Variants in PNLIPRP3 observed in about 807,000 individuals in gnomAD.
PNLIPRP3 encodes the protein pancreatic lipase related protein 3.
A neutral mutation model predicts 52.8 loss-of-function variants in PNLIPRP3; 58 were observed. The ratio of observed to expected loss-of-function variants is 1.10; its 90% CI spans 0.89 to 1.37. The LOEUF (loss-of-function observed/expected upper bound fraction) is 1.37, where lower values mean the gene tolerates loss of function less well. Ranked by LOEUF, PNLIPRP3 falls within the 40% of genes most tolerant of loss-of-function variation. The pLI is 0.00. For missense variants in PNLIPRP3, 593 were observed against 561.6 expected (o/e 1.06, Z -0.57); for synonymous variants, 192 against 185.0 (o/e 1.04, Z -0.31).
Position 116,427,897 on chromosome 10 carries a change from G to A in PNLIPRP3, c.-116G>A, listed in dbSNP as rs1845659323. 2.5e-6 allele frequency: 2 copies of A among 785,404 alleles called. No individual in the cohort carries two copies. Among genetic ancestry groups the A allele is most frequent in the South Asian group, 3.0e-5 (2 of 66,134 alleles). 48.7% of individuals were successfully genotyped at this position (785,404 alleles called of 1,614,324 possible). A position where few individuals can be genotyped will look rare whatever the true frequency, so the allele number is the denominator to read the frequency against. ...AATAACATGTTCTTTTAAACGTAGA[G>A]TTTAAACATTGAGTTGCATCATTGT... is the stretch of plus-strand genomic sequence containing the variant. On this transcript the variant is annotated 5_prime_UTR_variant, in exon 1 of 12. Coordinates refer to ENST00000369230, the MANE Select transcript of PNLIPRP3 (RefSeq NM_001011709.3).
chr10:116,469,385 T>A, intron 9 of PNLIPRP3, 68 bp downstream of exon 9: 3 of 1,447,414 alleles, frequency 2.1e-6, no homozygotes, highest in Non-Finnish European at 2.8e-6. Flanking sequence ...CAACAGTTTT[T>A]ATTGAGTGTC....
intron 10 of PNLIPRP3, among the ~76,000 whole-genome samples, chr10:116,473,996 A>G (rs7091461): frequency 0.89 from 130,924 of 147,598 alleles, 58,224 homozygotes; most frequent in East Asian, 1. Flanking sequence ...GCAATCCTAA[A>G]CAAAAAGAAC....
chr10:116,450,966 A>G (rs963103904), intron 4 of PNLIPRP3, among the ~76,000 whole-genome samples: 3 of 152,166 alleles, frequency 2.0e-5, no homozygotes, highest in African/African-American at 4.8e-5. Flanking sequence ...ATGGAAGCAC[A>G]AAGGACCCTG....
In PNLIPRP3 at chr10:116,469,206, A is replaced by G; in HGVS notation, c.949A>G (p.Lys317Glu). Residue 317 changes from lysine (K) to glutamate (E), a missense_variant, in exon 9 of 12, where the codon AAA becomes GAA. Coordinates refer to ENST00000369230, the MANE Select transcript of PNLIPRP3 (RefSeq NM_001011709.3). ...FKAGNCFFCS[K>E]EGCPTMGHFA... ...TCAGGGAAATTGCTTCTTTTGTTCC[A>G]AAGAAGGTTGCCCAACAATGGGTCA... 1 of 1,612,028 alleles carries G rather than the reference A, an allele frequency of 6.2e-7. No individual in the cohort carries two copies. The highest frequency in any genetic ancestry group is 8.5e-7 in the Non-Finnish European group (1 of 1,179,452).
intron 2 of PNLIPRP3, among the ~76,000 whole-genome samples, chr10:116,442,348 A>T (rs774169710): frequency 2.0e-5 from 3 of 152,112 alleles, no homozygotes; most frequent in Non-Finnish European, 4.4e-5. Flanking sequence ...TCAATTCCTT[A>T]CTCATAAAGT....
At chr10:116,468,527 A>G (rs1455801111) in intron 8 of PNLIPRP3, among the ~76,000 whole-genome samples, 1 of 152,154 alleles carries the variant, frequency 6.6e-6, no homozygotes, top group African/African-American at 2.4e-5. Context: ...CTTGCCCTAG[A>G]GAAGAATGTT....
chr10:116,467,788 TCTC>T (rs1045722050), intron 8 of PNLIPRP3, among the ~76,000 whole-genome samples: 1 of 152,292 alleles, frequency 6.6e-6, no homozygotes, highest in Admixed American at 6.5e-5. Flanking sequence ...ATTGATTAGT[TCTC>T]CTACTAATGT....
chr10:116,457,307 G>A (rs886217879), intron 5 of PNLIPRP3, among the ~76,000 whole-genome samples: 6 of 152,106 alleles, frequency 3.9e-5, no homozygotes, highest in Non-Finnish European at 7.4e-5. Context: ...CCACAGAAGC[G>A]TATTTTCTCT....
At chr10:116,459,066 T>C (rs961566015) in intron 5 of PNLIPRP3, among the ~76,000 whole-genome samples, 5 of 152,128 alleles carry the variant, frequency 3.3e-5, no homozygotes, top group African/African-American at 1.2e-4. Context: ...CCCTCCCGCC[T>C]TGCTGAAGTG....
At chr10:116,461,444 G>C (rs748460895) in intron 7 of PNLIPRP3, among the ~76,000 whole-genome samples, 154 bp downstream of exon 7, 3 of 152,126 alleles carry the variant, frequency 2.0e-5, no homozygotes, top group Non-Finnish European at 4.4e-5. Context: ...CCTGTTCTCA[G>C]ATCCACAAGA....
At chr10:116,442,933 TAAA>T in intron 2 of PNLIPRP3, 119 bp from the exon 3 acceptor site, 1 of 610,904 alleles carries the variant, frequency 1.6e-6, no homozygotes, top group South Asian at 5.2e-5. Flanking sequence ...AAAAATATAT[TAAA>T]GAAGGTTGCT....
intron 2 of PNLIPRP3, among the ~76,000 whole-genome samples, chr10:116,438,286 G>A (rs1196013996): frequency 2.0e-5 from 3 of 152,150 alleles, no homozygotes; most frequent in Non-Finnish European, 4.4e-5. Context: ...GACTAGGAGT[G>A]GTTGGAGGAT....
intron 7 of PNLIPRP3, among the ~76,000 whole-genome samples, chr10:116,462,959 C>T (rs1021372154): frequency 4.6e-5 from 7 of 152,112 alleles, no homozygotes; most frequent in African/African-American, 1.7e-4. Flanking sequence ...TTCTATTTTA[C>T]TTAAATTTAT....
intron 5 of PNLIPRP3, among the ~76,000 whole-genome samples, chr10:116,457,968 G>A (rs1051398082): frequency 2.6e-5 from 4 of 152,024 alleles, no homozygotes; most frequent in South Asian, 2.1e-4. Flanking sequence ...TAGTTTTTGG[G>A]CAATCATGTT....
At chr10:116,466,208 AT>A (rs767803531) in intron 8 of PNLIPRP3, 40 bp downstream of exon 8, 34 of 1,449,178 alleles carry the variant, frequency 2.3e-5, no homozygotes, top group African/African-American at 5.7e-5. Flanking sequence ...TTATAAAGTA[AT>A]TTTTTGAAAC....
intron 5 of PNLIPRP3, among the ~76,000 whole-genome samples, chr10:116,458,686 C>A (rs1459259435): frequency 6.6e-6 from 1 of 152,156 alleles, no homozygotes; most frequent in Non-Finnish European, 1.5e-5. Flanking sequence ...CTTCATTGAT[C>A]TCTTTGTCTA....
rs111951957 is a variant in PNLIPRP3 at position 116,451,623 on chromosome 10, A to G, written c.457-4099A>G. Among the ~76,000 whole-genome samples, 410 of 152,256 alleles carry G rather than the reference A, an allele frequency of 2.7e-3. 4 individuals are homozygous for G. The highest frequency in any genetic ancestry group is 9.5e-3 in the African/African-American group (394 of 41,554). ...ACAATATCTGTTTGTTTAAAAGAGC[A>G]TGGTACCTCCCCACTTACTCTCTTG... On this transcript the variant is annotated intron_variant, in intron 4 of 11. Transcript: ENST00000369230.
Position 116,436,697 on chromosome 10 carries a change from C to T in PNLIPRP3, c.50-14C>T. 2 of 1,598,550 alleles carry T rather than the reference C, an allele frequency of 1.3e-6. No individual in the cohort carries two copies. The highest frequency in any genetic ancestry group is 1.7e-6 in the Non-Finnish European group (2 of 1,170,830). ...CTGGTTCCTCTATACTGACACTCCA[C>T]CTTTCTGCTGCAGGAAAAGAAGTTT... On this transcript the variant is annotated splice_polypyrimidine_tract_variant and intron_variant, in intron 1 of 11. Coordinates refer to ENST00000369230, the MANE Select transcript of PNLIPRP3 (RefSeq NM_001011709.3).
intron 3 of PNLIPRP3, among the ~76,000 whole-genome samples, chr10:116,443,773 G>GTA: frequency 3.4e-5 from 2 of 58,844 alleles, no homozygotes; most frequent in African/African-American, 8.7e-5. Context: ...GTATGTGTGT[G>GTA]TGTGTGTGTG....
Sources: allele counts gnomAD v4.1 joint callset (sites outside exome capture counted in the v4.1 genomes callset), GRCh38; gene constraint gnomAD v4.1.1; transcripts MANE v1.5; gene names NCBI Gene and HGNC (gene_info 2026-07-23, HGNC 2026-07-21).